ADGRL3: variants seen among roughly 807,000 people sequenced by gnomAD.
The protein encoded by ADGRL3 is adhesion G protein-coupled receptor L3, also known as calcium-independent alpha-latrotoxin receptor 3.
Under a neutral mutation model 153.5 loss-of-function variants are expected in ADGRL3, and 62 were observed. The observed-to-expected ratio is 0.40, with a 90% CI of 0.33 to 0.50. The LOEUF (loss-of-function observed/expected upper bound fraction) is 0.50. Ranked by LOEUF, ADGRL3 falls within the 20% of genes least tolerant of loss-of-function variation. The probability of loss-of-function intolerance (pLI) is 0.47; values close to 1 mark genes in which losing one functional copy is unlikely to be tolerated. For missense variants in ADGRL3, 1,641 were observed against 1,859.4 expected, an observed-to-expected ratio of 0.88 and a Z score of 2.16; for synonymous variants, 710 against 672.5, an observed-to-expected ratio of 1.06 and a Z score of -0.86.
At chr4:61,647,151 G>A (rs2094041976) in intron 5 of ADGRL3, among the ~76,000 whole-genome samples, 1 of 152,036 alleles carries the variant, frequency 6.6e-6, no homozygotes, top group African/African-American at 2.4e-5. Context: ...GCGGTGCACT[G>A]CACCCACTGG....
chr4:61,272,959 C>A (rs1008693454), intron 1 of ADGRL3, among the ~76,000 whole-genome samples: 24 of 152,088 alleles, frequency 1.6e-4, no homozygotes, highest in African/African-American at 5.3e-4. Context: ...GCTGGGTTTG[C>A]CTCAGTCATG....
chr4:61,646,885 G>A (rs563959650), intron 5 of ADGRL3, among the ~76,000 whole-genome samples: 31 of 152,284 alleles, frequency 2.0e-4, no homozygotes, highest in African/African-American at 3.1e-4. Flanking sequence ...CCTGGCTGCC[G>A]AATTGCAGTT....
chr4:61,490,142 T>G (rs2098242195), intron 2 of ADGRL3, among the ~76,000 whole-genome samples: 1 of 152,058 alleles, frequency 6.6e-6, no homozygotes, highest in South Asian at 2.1e-4. Flanking sequence ...AAAACGTTCT[T>G]CCTCCACCTA....
intron 11 of ADGRL3, among the ~76,000 whole-genome samples, chr4:61,900,558 T>G (rs759793145): frequency 5.3e-5 from 8 of 152,074 alleles, no homozygotes; most frequent in Non-Finnish European, 8.8e-5. Context: ...AAACATAATT[T>G]GTGCAGAAGA....
chr4:61,559,052 G>A (rs1365580834), intron 4 of ADGRL3, among the ~76,000 whole-genome samples: 3 of 152,000 alleles, frequency 2.0e-5, no homozygotes, highest in African/African-American at 7.2e-5. Context: ...GCTTAGCACA[G>A]GTACTGGTGT....
intron 9 of ADGRL3, among the ~76,000 whole-genome samples, chr4:61,832,808 T>G (rs2097887679): frequency 7.2e-6 from 1 of 138,124 alleles, no homozygotes; most frequent in African/African-American, 2.9e-5. Context: ...TCTGTTTTCT[T>G]TTTCTTTTTT....
intron 8 of ADGRL3, among the ~76,000 whole-genome samples, chr4:61,794,434 A>G (rs1485948153): frequency 6.6e-6 from 1 of 152,208 alleles, no homozygotes; most frequent in African/African-American, 2.4e-5. Context: ...TTCTGCTTGT[A>G]ATACTTTCTG....
intron 2 of ADGRL3, among the ~76,000 whole-genome samples, chr4:61,487,365 A>T (rs2098207769): frequency 6.6e-6 from 1 of 152,136 alleles, no homozygotes; most frequent in African/African-American, 2.4e-5. Context: ...GATATACAAT[A>T]ATGTTTATAG....
At position 61,475,137 on chromosome 4, in the gene ADGRL3, A is replaced by G. The variant is rs187566617; in HGVS notation, c.-173-21984A>G. The stretch of plus-strand genomic sequence containing the variant: ...CTGAACGGAGTTATCCCAAGCTAGG[A>G]AATTTTCTAATGCTTCCTTGCTTAT... On this transcript the variant is annotated intron_variant, in intron 2 of 26. Coordinates refer to ENST00000683033, the MANE Select transcript of ADGRL3 (RefSeq NM_001387552.1). Among the ~76,000 whole-genome samples the G allele has an allele frequency of 2.6e-5, 4 of 152,316 alleles. No individual in the cohort carries two copies. In the East Asian group the frequency reaches 7.7e-4, roughly 29 times the overall value.
At chr4:61,820,817 A>C (rs2097746305) in intron 9 of ADGRL3, among the ~76,000 whole-genome samples, 1 of 152,136 alleles carries the variant, frequency 6.6e-6, no homozygotes, top group South Asian at 2.1e-4. Flanking sequence ...TCTGAAGGTC[A>C]TATGTCCCCA....
chr4:61,680,223 G>A (rs2095304623), intron 6 of ADGRL3, among the ~76,000 whole-genome samples: 1 of 151,840 alleles, frequency 6.6e-6, no homozygotes, highest in South Asian at 2.1e-4. Flanking sequence ...ATTAATATTG[G>A]AATTAAACAA....
At chr4:61,859,117 C>G (rs994398796) in intron 9 of ADGRL3, among the ~76,000 whole-genome samples, 3 of 152,064 alleles carry the variant, frequency 2.0e-5, no homozygotes, top group Non-Finnish European at 4.4e-5. Context: ...TGGACTCATC[C>G]CAGCCTTCTT....
At chr4:61,903,197 ATTC>A in intron 11 of ADGRL3, among the ~76,000 whole-genome samples, 1 of 152,176 alleles carries the variant, frequency 6.6e-6, no homozygotes, top group East Asian at 1.9e-4. Flanking sequence ...TATGTATCAT[ATTC>A]TTGGCTTATT....
chr4:61,536,829 T>C (rs533314402), intron 4 of ADGRL3, among the ~76,000 whole-genome samples: 107 of 152,160 alleles, frequency 7.0e-4, no homozygotes, highest in South Asian at 5.4e-3. Context: ...CTCTTTTTTT[T>C]CCCAATTTGC....
chr4:61,795,514 CA>C (rs1393965208), intron 8 of ADGRL3, among the ~76,000 whole-genome samples: 1 of 152,084 alleles, frequency 6.6e-6, no homozygotes, highest in Non-Finnish European at 1.5e-5. Context: ...TGATATTGAG[CA>C]AATCATTTGA....
At chr4:61,483,897 C>A (rs1374116816) in intron 2 of ADGRL3, among the ~76,000 whole-genome samples, 1 of 150,480 alleles carries the variant, frequency 6.6e-6, no homozygotes, top group African/African-American at 2.4e-5. Flanking sequence ...ACGTTAATAA[C>A]TAAGTATAGT....
At chr4:61,890,565 A>G (rs1181127907) in intron 9 of ADGRL3, among the ~76,000 whole-genome samples, 1 of 152,132 alleles carries the variant, frequency 6.6e-6, no homozygotes, top group Admixed American at 6.5e-5. Context: ...CCAAACACAC[A>G]TCCTCTTATC....
intron 5 of ADGRL3, among the ~76,000 whole-genome samples, chr4:61,597,892 G>T (rs2098995720): frequency 6.6e-6 from 1 of 151,786 alleles, no homozygotes; most frequent in Non-Finnish European, 1.5e-5. Flanking sequence ...CCTATGGCCA[G>T]TTTCATCAGT....
chr4:61,673,141 T>C (rs761423706), intron 5 of ADGRL3, among the ~76,000 whole-genome samples: 21 of 151,972 alleles, frequency 1.4e-4, no homozygotes, highest in Non-Finnish European at 2.5e-4. Flanking sequence ...GTCAAACTTC[T>C]AGAAGCAGAA....
Sources: gnomAD v4.1 joint callset for allele counts (sites outside exome capture counted in the v4.1 genomes callset) on GRCh38, gnomAD v4.1.1 for gene constraint, MANE v1.5 for transcripts, NCBI Gene and HGNC (gene_info 2026-07-23, HGNC 2026-07-21) for gene names.